PLCXD2: variants seen among roughly 807,000 people sequenced by gnomAD.
PLCXD2 encodes PI-PLC X domain-containing protein 2.
Under a neutral mutation model 28.6 loss-of-function variants are expected in PLCXD2, and 21 were observed. The ratio of observed to expected loss-of-function variants is 0.73; its 90% CI spans 0.52 to 1.06. The LOEUF is 1.06. Ranked by LOEUF, PLCXD2 falls within the 50% of genes least tolerant of loss-of-function variation. The probability of loss-of-function intolerance (pLI) is 0.00; values close to 1 mark genes in which losing one functional copy is unlikely to be tolerated. For missense variants in PLCXD2, 369 were observed against 376.7 expected (o/e 0.98, Z 0.17); for synonymous variants, 140 against 150.1 (o/e 0.93, Z 0.49).
intron 1 of PLCXD2, among the ~76,000 whole-genome samples, chr3:111,683,534 T>C (rs1320441716): frequency 6.6e-6 from 1 of 152,208 alleles, no homozygotes; most frequent in East Asian, 1.9e-4. Flanking sequence ...TTAGGGATAC[T>C]GTGGGTTAAG....
At chr3:111,678,834 G>C (rs1272163767) in intron 1 of PLCXD2, among the ~76,000 whole-genome samples, 1 of 152,152 alleles carries the variant, frequency 6.6e-6, no homozygotes, top group Non-Finnish European at 1.5e-5. Context: ...TGGAAGGAAT[G>C]ATTGGGTCAT....
chr3:111,700,746 T>C (rs879819052), intron 1 of PLCXD2, among the ~76,000 whole-genome samples: 2 of 152,062 alleles, frequency 1.3e-5, no homozygotes, highest in African/African-American at 2.4e-5. Context: ...TTATAATTAA[T>C]AATTCTGCAG....
In PLCXD2 at chr3:111,708,272, G is replaced by A. The variant is rs896253181; in HGVS notation, c.510G>A (p.Glu170=). 1 of 1,614,112 alleles carries A rather than the reference G, an allele frequency of 6.2e-7. No individual in the cohort carries two copies. The highest frequency in any genetic ancestry group is 1.7e-5 in the Admixed American group (1 of 60,010). ...TCAACCACTTCTATGCCATGGATGA[G>A]ACCCATCACAAATGCCTGGTTCTGC... Residue 170 remains glutamate (E), a synonymous_variant, in exon 2 of 5, where the codon GAG becomes GAA. Coordinates refer to ENST00000477665, the MANE Select transcript of PLCXD2 (RefSeq NM_001185106.1).
At chr3:111,692,870 G>C (rs1357863573) in intron 1 of PLCXD2, among the ~76,000 whole-genome samples, 1 of 152,162 alleles carries the variant, frequency 6.6e-6, no homozygotes, top group Non-Finnish European at 1.5e-5. Flanking sequence ...CTTTCCCTAC[G>C]TGTGGAAGGG....
In PLCXD2 at chr3:111,720,150, G is replaced by A. The variant is rs9871681; in HGVS notation, c.866+6022G>A. Among the ~76,000 whole-genome samples, 1,355 of 152,210 alleles carry A rather than the reference G, an allele frequency of 8.9e-3. 14 individuals are homozygous for A. Among genetic ancestry groups the A allele is most frequent in the African/African-American group, 0.031 (1,288 of 41,540 alleles). ...TTGCCATATGTTTGAATATTTTCATGATTTAAAAAAATTAAAGAACCCATT... is the reference window on the plus strand; with the variant it reads ...TTGCCATATGTTTGAATATTTTCATAATTTAAAAAAATTAAAGAACCCATT... On this transcript the variant is annotated intron_variant, in intron 3 of 4. Coordinates refer to ENST00000477665, the MANE Select transcript of PLCXD2 (RefSeq NM_001185106.1).
intron 1 of PLCXD2, chr3:111,691,401 G>A (rs868505730): frequency 1.3e-5 from 2 of 152,192 alleles, no homozygotes; most frequent in South Asian, 2.1e-4. Flanking sequence ...TGGAAGCCCA[G>A]GTTCACAGAA....
chr3:111,696,527 G>A (rs776509393), intron 1 of PLCXD2, among the ~76,000 whole-genome samples: 11 of 152,108 alleles, frequency 7.2e-5, no homozygotes, highest in Non-Finnish European at 1.3e-4. Context: ...GTGGGTAACT[G>A]GAAAGATAGC....
At chr3:111,696,167 G>C (rs1159212141) in intron 1 of PLCXD2, among the ~76,000 whole-genome samples, 2 of 152,156 alleles carry the variant, frequency 1.3e-5, no homozygotes, top group Non-Finnish European at 2.9e-5. Flanking sequence ...TTCTTGGCTT[G>C]AACACTTATA....
intron 1 of PLCXD2, chr3:111,676,665 AAC>A (rs1433229856): frequency 6.6e-6 from 1 of 152,224 alleles, no homozygotes; most frequent in Non-Finnish European, 1.5e-5. Flanking sequence ...CATGCTTCAG[AAC>A]AGGTCTTTTC....
In PLCXD2 at chr3:111,698,985, C is replaced by T. The variant is rs1941003827; in HGVS notation, c.164-8941C>T. Among the ~76,000 whole-genome samples, 3 of 152,310 alleles carry T rather than the reference C, an allele frequency of 2.0e-5. 1 individual carries two copies. In the South Asian group the frequency reaches 6.2e-4, roughly 32 times the overall value. On this transcript the variant is annotated intron_variant, in intron 1 of 4. Transcript: ENST00000477665. ...ATGTCAGTGCCTAAAGGCACAGATACACTGAATGGTGTCAATACACATGGG... is the reference window on the plus strand; with the variant it reads ...ATGTCAGTGCCTAAAGGCACAGATATACTGAATGGTGTCAATACACATGGG...
At position 111,710,821 on chromosome 3, in the gene PLCXD2, GATGGGTTGACATATTGC is replaced by G. The variant is rs1334158778; in HGVS notation, c.624+2438_624+2454del. On this transcript the variant is annotated intron_variant, in intron 2 of 4. Transcript: ENST00000477665. ...TAATTTTATACACAGCCAGGATTGA[GATGGGTTGACATATTGC>G]ATACTAAACTGCTTACAAATCTGCA... Among the ~76,000 whole-genome samples, 3 of 152,228 alleles carry G rather than the reference GATGGGTTGACATATTGC, an allele frequency of 2.0e-5. No individual in the cohort carries two copies. In the East Asian group the frequency reaches 5.8e-4, roughly 29 times the overall value.
rs192248426 is a variant in PLCXD2 at position 111,689,614 on chromosome 3, C to T, written c.163+14206C>T. Among the ~76,000 whole-genome samples the T allele has an allele frequency of 2.0e-5, 3 of 152,304 alleles. No individual in the cohort carries two copies. The East Asian group carries it at 5.8e-4, about 29-fold the overall frequency. On this transcript the variant is annotated intron_variant, in intron 1 of 4. Transcript: ENST00000477665. The stretch of plus-strand genomic sequence containing the variant: ...ATGATATACCCCATTGGGACTGTTT[C>T]TCTCTGCTGTATACAACTGTTTTGT...
chr3:111,688,668 T>C (rs1169375320), intron 1 of PLCXD2, among the ~76,000 whole-genome samples: 3 of 152,200 alleles, frequency 2.0e-5, no homozygotes, highest in African/African-American at 7.2e-5. Flanking sequence ...GATACTTTGA[T>C]CAGGCAGGAC....
At chr3:111,681,179 G>A (rs924503772) in intron 1 of PLCXD2, among the ~76,000 whole-genome samples, 5 of 152,112 alleles carry the variant, frequency 3.3e-5, no homozygotes, top group African/African-American at 7.2e-5. Flanking sequence ...AAGGATACAC[G>A]GAGGGTTCCC....
intron 1 of PLCXD2, among the ~76,000 whole-genome samples, chr3:111,679,777 G>A (rs73230168): frequency 0.11 from 16,130 of 152,196 alleles, 1,018 homozygotes; most frequent in Non-Finnish European, 0.14. Flanking sequence ...GAAAATGGTC[G>A]CAAGAGTCAG....
intron 1 of PLCXD2, among the ~76,000 whole-genome samples, chr3:111,687,034 G>T (rs1940804908): frequency 6.6e-6 from 1 of 152,214 alleles, no homozygotes; most frequent in Non-Finnish European, 1.5e-5. Context: ...AAAGGATCAG[G>T]AGAGCTAGGC....
intron 1 of PLCXD2, among the ~76,000 whole-genome samples, chr3:111,681,760 C>T (rs1466552181): frequency 6.6e-6 from 1 of 152,172 alleles, no homozygotes; most frequent in Non-Finnish European, 1.5e-5. Context: ...CTGCAAGCTC[C>T]TCTCTCAGAC....
rs868558552 is a variant in PLCXD2, at chr3:111,692,259, G to A, written c.164-15667G>A. Among the ~76,000 whole-genome samples, 11 of 152,246 alleles carry A rather than the reference G, an allele frequency of 7.2e-5. No individual in the cohort carries two copies. In the South Asian group the frequency reaches 1.0e-3, roughly 14 times the overall value. The stretch of plus-strand genomic sequence containing the variant: ...GGGGTTTCACCGTGTTAGCCAGGAT[G>A]GTCTCGATCTCCTGACCTTGTGATC... On this transcript the variant is annotated intron_variant, in intron 1 of 4. Transcript: ENST00000477665.
intron 1 of PLCXD2, among the ~76,000 whole-genome samples, chr3:111,700,863 A>G (rs1233090844): frequency 2.6e-5 from 4 of 152,170 alleles, no homozygotes; most frequent in African/African-American, 9.7e-5. Flanking sequence ...CAGGGGCAGA[A>G]TATAAAAGTC....
Sources: allele counts gnomAD v4.1 joint callset (sites outside exome capture counted in the v4.1 genomes callset), GRCh38; gene constraint gnomAD v4.1.1; transcripts MANE v1.5; gene names NCBI Gene and HGNC (gene_info 2026-07-23, HGNC 2026-07-21).